BMPR1A: variants seen among roughly 807,000 people sequenced by gnomAD.
BMPR1A encodes bone morphogenetic protein receptor type-1A.
A neutral mutation model predicts 66.0 loss-of-function variants in BMPR1A; 7 were observed. That is an observed-to-expected ratio of 0.11 (90% CI 0.06 to 0.20). The LOEUF (loss-of-function observed/expected upper bound fraction) is 0.20. Ranked by LOEUF, BMPR1A falls within the 10% of genes least tolerant of loss-of-function variation. The pLI is 1.00. For synonymous variants in BMPR1A, 200 were observed against 229.7 expected, an observed-to-expected ratio of 0.87 and a Z score of 1.17; for missense variants, 408 against 669.1, an observed-to-expected ratio of 0.61 and a Z score of 4.31.
chr10:86,763,676 T>C (rs572747223), intron 1 of BMPR1A, among the ~76,000 whole-genome samples: 3 of 152,138 alleles, frequency 2.0e-5, no homozygotes, highest in African/African-American at 2.4e-5. Context: ...CTTTCTTACC[T>C]CCTTTTTTGA....
intron 1 of BMPR1A, among the ~76,000 whole-genome samples, chr10:86,781,810 C>A (rs1179741605): frequency 6.7e-6 from 1 of 148,850 alleles, no homozygotes; most frequent in Non-Finnish European, 1.5e-5. Flanking sequence ...TTTCACTTAG[C>A]ATAAAGTCCC....
At chr10:86,787,748 C>T (rs112250793) in intron 1 of BMPR1A, among the ~76,000 whole-genome samples, 3 of 152,108 alleles carry the variant, frequency 2.0e-5, no homozygotes, top group Non-Finnish European at 2.9e-5. Flanking sequence ...AGGAAACTTA[C>T]AATCATGGCA....
chr10:86,781,993 A>C (rs1186788512), intron 1 of BMPR1A, among the ~76,000 whole-genome samples: 1 of 150,682 alleles, frequency 6.6e-6, no homozygotes, highest in Non-Finnish European at 1.5e-5. Flanking sequence ...CAGCCTCCTA[A>C]GTAGCTGGGA....
chr10:86,774,734 G>T (rs1031347120), intron 1 of BMPR1A, among the ~76,000 whole-genome samples: 6 of 152,132 alleles, frequency 3.9e-5, no homozygotes, highest in African/African-American at 1.4e-4. Context: ...GATACTATCG[G>T]ATAAAGCTAG....
At chr10:86,787,302 G>T (rs1419901584) in intron 1 of BMPR1A, among the ~76,000 whole-genome samples, 1 of 152,168 alleles carries the variant, frequency 6.6e-6, no homozygotes, top group Non-Finnish European at 1.5e-5. Flanking sequence ...TTGGATTTTA[G>T]TTTGAAAAAT....
chr10:86,813,317 T>G (rs1841994430), intron 1 of BMPR1A, among the ~76,000 whole-genome samples: 1 of 152,186 alleles, frequency 6.6e-6, no homozygotes, highest in Non-Finnish European at 1.5e-5. Context: ...GAACATCTTT[T>G]ACAATTTCTG....
intron 1 of BMPR1A, among the ~76,000 whole-genome samples, chr10:86,833,099 G>C (rs1192878547): frequency 6.6e-6 from 1 of 152,104 alleles, no homozygotes; most frequent in East Asian, 1.9e-4. Context: ...AACAGAGTGA[G>C]ACCTCACCTC....
At chr10:86,911,296 T>C (rs1367640892) in intron 7 of BMPR1A, among the ~76,000 whole-genome samples, 1 of 150,996 alleles carries the variant, frequency 6.6e-6, no homozygotes, top group Non-Finnish European at 1.5e-5. Flanking sequence ...AAAACTGACA[T>C]AAAAATGCCA....
At chr10:86,811,747 C>T (rs1166902664) in intron 1 of BMPR1A, among the ~76,000 whole-genome samples, 1 of 152,092 alleles carries the variant, frequency 6.6e-6, no homozygotes, top group African/African-American at 2.4e-5. Context: ...CTGATTAGGT[C>T]TTCATTGGGG....
chr10:86,883,145 G>A (rs943212752), intron 3 of BMPR1A, among the ~76,000 whole-genome samples: 5 of 152,010 alleles, frequency 3.3e-5, no homozygotes, highest in African/African-American at 9.7e-5. Context: ...CCTCACCCAC[G>A]TCACCCTTGG....
At chr10:86,828,111 C>T (rs1425056961) in intron 1 of BMPR1A, among the ~76,000 whole-genome samples, 4 of 152,232 alleles carry the variant, frequency 2.6e-5, no homozygotes, top group African/African-American at 9.6e-5. Flanking sequence ...GAAATCGTGC[C>T]ACTGCACTCT....
intron 1 of BMPR1A, among the ~76,000 whole-genome samples, chr10:86,814,887 G>A (rs1842014150): frequency 6.6e-6 from 1 of 152,090 alleles, no homozygotes; most frequent in Admixed American, 6.6e-5. Flanking sequence ...CTGAGTTCAG[G>A]CAATTCTTCT....
In BMPR1A at chr10:86,760,240, C is replaced by CTT. The variant is rs1841025806; in HGVS notation, c.-268+3323_-268+3324dup. Among the ~76,000 whole-genome samples, 9 of 17,482 alleles carry CTT rather than the reference C, an allele frequency of 5.1e-4. No individual in the cohort carries two copies. The East Asian group carries it at 9.7e-3, about 19-fold the overall frequency. The allele number at this position is 17,482 out of a possible 152,430, so 11.5% of individuals were successfully genotyped here. A position where few individuals can be genotyped will look rare whatever the true frequency, so the allele number is the denominator to read the frequency against. On this transcript the variant is annotated intron_variant, in intron 1 of 12. Transcript: ENST00000372037. ...CTTATTGTTTTTTCTTTCTTTCTTT[C>CTT]TTTCTTTCTTTTTTTTTTTTTTTTT...
chr10:86,843,238 T>A (rs1272346448), intron 2 of BMPR1A, among the ~76,000 whole-genome samples: 2 of 152,194 alleles, frequency 1.3e-5, no homozygotes, highest in Non-Finnish European at 2.9e-5. Context: ...TCTCTTCTCT[T>A]GGCATATTTT....
chr10:86,922,330 T>A (rs1187923315), intron 11 of BMPR1A, among the ~76,000 whole-genome samples: 1 of 152,208 alleles, frequency 6.6e-6, no homozygotes, highest in Non-Finnish European at 1.5e-5. Flanking sequence ...TGCTTCCACA[T>A]CTTGGCTATT....
In BMPR1A at chr10:86,919,484, G is replaced by T. The variant is rs1554891118; in HGVS notation, c.1166+15G>T. 2 of 1,612,704 alleles carry T rather than the reference G, an allele frequency of 1.2e-6. No individual in the cohort carries two copies. Among genetic ancestry groups the T allele is most frequent in the Non-Finnish European group, 1.7e-6 (2 of 1,179,466 alleles). On this transcript the variant is annotated intron_variant, in intron 10 of 12. Coordinates refer to ENST00000372037, the MANE Select transcript of BMPR1A (RefSeq NM_004329.3). ...AAATTCAACAGGTGAGTGGTTCTTTGCCCCACTGTTTTGAAATTATTTTAA... is the reference window on the plus strand; with the variant it reads ...AAATTCAACAGGTGAGTGGTTCTTTTCCCCACTGTTTTGAAATTATTTTAA...
intron 3 of BMPR1A, among the ~76,000 whole-genome samples, chr10:86,884,097 A>G (rs983290791): frequency 1.3e-5 from 2 of 151,728 alleles, no homozygotes; most frequent in African/African-American, 4.8e-5. Flanking sequence ...TGAACTCCTG[A>G]GCTCAGGTGA....
At chr10:86,884,904 A>T (rs1269314155) in intron 3 of BMPR1A, among the ~76,000 whole-genome samples, 1 of 152,198 alleles carries the variant, frequency 6.6e-6, no homozygotes, top group African/African-American at 2.4e-5. Flanking sequence ...TGATTTATGC[A>T]GTTTTTATGT....
At chr10:86,851,288 C>G (rs1767276468) in intron 2 of BMPR1A, among the ~76,000 whole-genome samples, 1 of 152,122 alleles carries the variant, frequency 6.6e-6, no homozygotes, top group Admixed American at 6.5e-5. Flanking sequence ...GTTTAATTCC[C>G]CAAATATATT....
Sources: allele counts gnomAD v4.1 joint callset (sites outside exome capture counted in the v4.1 genomes callset), GRCh38; gene constraint gnomAD v4.1.1; transcripts MANE v1.5; gene names NCBI Gene and HGNC (gene_info 2026-07-23, HGNC 2026-07-21).